EBF1: variants seen among roughly 807,000 people sequenced by gnomAD.
EBF1 encodes EBF transcription factor 1.
Under a neutral mutation model 68.4 loss-of-function variants are expected in EBF1, and 10 were observed. The ratio of observed to expected loss-of-function variants is 0.15; its 90% CI spans 0.09 to 0.25. The LOEUF (loss-of-function observed/expected upper bound fraction) is 0.25. EBF1 is among the 10% of genes least tolerant of loss of function. The pLI, the probability that EBF1 is intolerant of heterozygous loss-of-function variation, is 1.00. For missense variants in EBF1, 509 were observed against 794.4 expected, an observed-to-expected ratio of 0.64 and a Z score of 4.32; for synonymous variants, 298 against 299.8, an observed-to-expected ratio of 0.99 and a Z score of 0.06.
At chr5:159,002,867 G>A (rs1762815366) in intron 6 of EBF1, among the ~76,000 whole-genome samples, 1 of 152,190 alleles carries the variant, frequency 6.6e-6, no homozygotes, top group Non-Finnish European at 1.5e-5. Flanking sequence ...AGGAAAGAAA[G>A]CAATAGAGTG....
intron 6 of EBF1, among the ~76,000 whole-genome samples, chr5:159,007,741 A>C (rs938474199): frequency 1.3e-5 from 2 of 152,192 alleles, no homozygotes; most frequent in East Asian, 3.8e-4. Context: ...ATATGCATTT[A>C]TTCTCTCCCC....
At chr5:159,018,135 C>T (rs1183985865) in intron 6 of EBF1, among the ~76,000 whole-genome samples, 1 of 152,156 alleles carries the variant, frequency 6.6e-6, no homozygotes, top group African/African-American at 2.4e-5. Context: ...CTTCTCCCCA[C>T]TAACTGTTTT....
At chr5:158,811,065 A>G (rs1202350790) in intron 8 of EBF1, among the ~76,000 whole-genome samples, 1 of 152,186 alleles carries the variant, frequency 6.6e-6, no homozygotes, top group African/African-American at 2.4e-5. Flanking sequence ...TATTCATCTG[A>G]TAACAATGAT....
chr5:158,855,897 G>T (rs1396822671), intron 6 of EBF1, among the ~76,000 whole-genome samples: 1 of 152,232 alleles, frequency 6.6e-6, no homozygotes, highest in African/African-American at 2.4e-5. Flanking sequence ...CCCCTGCCCT[G>T]CTCCAAACAC....
chr5:158,870,441 T>G (rs1309098515), intron 6 of EBF1, among the ~76,000 whole-genome samples: 2 of 152,098 alleles, frequency 1.3e-5, no homozygotes, highest in Admixed American at 1.3e-4. Flanking sequence ...ACCAGCACTT[T>G]AGGAGGTCAA....
rs527351078 is a variant in EBF1 at position 158,769,531 on chromosome 5, C to T, written c.1036+7882G>A. ...GCAAAATAATATGCTTCCTTCAGATCAGCTTTATTCTTTGCAGAAATGGCT... is the reference window on the plus strand; with the variant it reads ...GCAAAATAATATGCTTCCTTCAGATTAGCTTTATTCTTTGCAGAAATGGCT... On this transcript the variant is annotated intron_variant, in intron 10 of 15. Coordinates refer to ENST00000313708, the MANE Select transcript of EBF1 (RefSeq NM_024007.5). Among the ~76,000 whole-genome samples the T allele has an allele frequency of 1.1e-4, 16 of 152,218 alleles. No individual in the cohort carries two copies. In the South Asian group the frequency reaches 3.3e-3, roughly 32 times the overall value.
intron 15 of EBF1, among the ~76,000 whole-genome samples, chr5:158,700,281 AAAACAGGGTGGCACCTTTG>A (rs1420912736): frequency 6.6e-6 from 1 of 152,300 alleles, no homozygotes; most frequent in Non-Finnish European, 1.5e-5. Flanking sequence ...TAAGAAAATT[AAAACAGGGTGGCACCTTTG>A]AAACATGTCA....
intron 5 of EBF1, among the ~76,000 whole-genome samples, chr5:159,075,651 A>T (rs1778632081): frequency 6.6e-6 from 1 of 151,920 alleles, no homozygotes; most frequent in African/African-American, 2.4e-5. Context: ...CTCCACTCTG[A>T]CCCCCTGCAA....
intron 4 of EBF1, among the ~76,000 whole-genome samples, chr5:159,088,694 A>T (rs538404404): frequency 2.6e-5 from 4 of 152,266 alleles, no homozygotes; most frequent in South Asian, 2.1e-4. Flanking sequence ...TCTGCTCACT[A>T]TGAGGAAGGT....
At chr5:158,933,501 T>C (rs1811340852) in intron 6 of EBF1, among the ~76,000 whole-genome samples, 1 of 152,174 alleles carries the variant, frequency 6.6e-6, no homozygotes, top group Non-Finnish European at 1.5e-5. Context: ...TAATATAGAT[T>C]TTTCCCTACT....
At position 158,850,143 on chromosome 5, in the gene EBF1, C is replaced by T. The variant is rs73300029; in HGVS notation, c.555-10033G>A. ...GTTAAACCTGCCATTGTTTTCCCATCATTCAAGTGTAACCCAAAGGAATAA... is the reference window on the plus strand; with the variant it reads ...GTTAAACCTGCCATTGTTTTCCCATTATTCAAGTGTAACCCAAAGGAATAA... On this transcript the variant is annotated intron_variant, in intron 6 of 15. Coordinates refer to ENST00000313708, the MANE Select transcript of EBF1 (RefSeq NM_024007.5). Among the ~76,000 whole-genome samples the T allele has an allele frequency of 3.6e-3, 551 of 152,320 alleles. 2 individuals are homozygous for T. The highest frequency in any genetic ancestry group is 0.013 in the African/African-American group (526 of 41,556).
chr5:158,892,777 G>C (rs1437439836), intron 6 of EBF1, among the ~76,000 whole-genome samples: 3 of 151,866 alleles, frequency 2.0e-5, no homozygotes, highest in Admixed American at 6.6e-5. Context: ...GACTTTTCCT[G>C]GTAAGACATT....
chr5:159,091,154 G>A (rs1781560255), intron 4 of EBF1, among the ~76,000 whole-genome samples: 1 of 152,146 alleles, frequency 6.6e-6, no homozygotes, highest in South Asian at 2.1e-4. Flanking sequence ...TTTTAATGCT[G>A]TTCAAACATT....
intron 10 of EBF1, among the ~76,000 whole-genome samples, chr5:158,768,127 G>A (rs1319718567): frequency 6.6e-6 from 1 of 152,028 alleles, no homozygotes; most frequent in African/African-American, 2.4e-5. Flanking sequence ...CACTCATTTG[G>A]GGATGGCTGA....
intron 6 of EBF1, among the ~76,000 whole-genome samples, chr5:158,976,753 T>A (rs542833362): frequency 5.4e-4 from 83 of 152,306 alleles, no homozygotes; most frequent in South Asian, 2.5e-3. Context: ...ATTCTAATAG[T>A]TTCAAGCACT....
chr5:159,075,370 C>T (rs17056534), intron 5 of EBF1, among the ~76,000 whole-genome samples: 25,527 of 152,154 alleles, frequency 0.17, 2,829 homozygotes, highest in South Asian at 0.4. Flanking sequence ...AGCAGCCCAT[C>T]GACAGAGCCC....
intron 6 of EBF1, among the ~76,000 whole-genome samples, chr5:158,873,836 C>G (rs766142338): frequency 1.2e-4 from 18 of 152,190 alleles, no homozygotes; most frequent in Non-Finnish European, 2.2e-4. Context: ...ACAGGTACCA[C>G]TTAAAAGCAT....
chr5:158,703,542 T>C (rs1049526131), intron 15 of EBF1, among the ~76,000 whole-genome samples: 31 of 152,024 alleles, frequency 2.0e-4, no homozygotes, highest in African/African-American at 7.5e-4. Context: ...ACTACCATAT[T>C]TTTATTTTTT....
intron 6 of EBF1, among the ~76,000 whole-genome samples, chr5:158,925,534 T>C (rs1036989293): frequency 2.0e-5 from 3 of 152,212 alleles, no homozygotes; most frequent in African/African-American, 7.2e-5. Context: ...AAGGGCTCCC[T>C]CTTCTTCTCT....
Sources: allele counts gnomAD v4.1 joint callset (sites outside exome capture counted in the v4.1 genomes callset), GRCh38; gene constraint gnomAD v4.1.1; transcripts MANE v1.5; gene names NCBI Gene and HGNC (gene_info 2026-07-23, HGNC 2026-07-21).